Variants in DUSP22 observed in about 807,000 individuals in gnomAD.
DUSP22 encodes the protein dual specificity phosphatase 22.
A neutral mutation model predicts 24.5 loss-of-function variants in DUSP22; 24 were observed. The ratio of observed to expected loss-of-function variants is 0.98; its 90% CI spans 0.71 to 1.38. The LOEUF is 1.38. Among genes scored for constraint, DUSP22 ranks in the 40% most tolerant of loss-of-function variants. DUSP22 has a pLI of 0.00. For missense variants in DUSP22, 330 were observed against 269.2 expected (o/e 1.23, Z -1.58); for synonymous variants, 160 against 106.4 (o/e 1.50, Z -3.10).
At chr6:340,884 A>T (rs1327814033) in intron 4 of DUSP22, among the ~76,000 whole-genome samples, 3 of 152,308 alleles carry the variant, frequency 2.0e-5, no homozygotes, top group Non-Finnish European at 4.4e-5. Context: ...AGTGAGAAGT[A>T]GTTGTTCAGC....
At position 349,171 on chromosome 6, in the gene DUSP22, A is replaced by G. The variant is rs757888963; in HGVS notation, c.*220A>G. On this transcript the variant is annotated 3_prime_UTR_variant, in exon 7 of 7. Transcript: ENST00000419235. Reference sequence around the variant, plus strand: ...GCACCTGAGCTTGCTGCCCCTGGGGATGTTGCCCAGTGGCTGTGCACTGCT... The same window carrying G: ...GCACCTGAGCTTGCTGCCCCTGGGGGTGTTGCCCAGTGGCTGTGCACTGCT... 776 of 1,427,494 alleles carry G rather than the reference A, an allele frequency of 5.4e-4. 1 individual carries two copies. Among genetic ancestry groups the G allele is most frequent in the Non-Finnish European group, 6.6e-4 (718 of 1,095,542 alleles). 88.4% of individuals were successfully genotyped at this position (1,427,494 alleles called of 1,614,324 possible).
intron 3 of DUSP22, chr6:325,129 G>T: frequency 5.5e-6 from 1 of 181,380 alleles, no homozygotes; most frequent in Non-Finnish European, 1.2e-5. Context: ...GGTGCCTAGA[G>T]AGTCATCTGC....
At chr6:308,999 C>G (rs1314077177) in intron 2 of DUSP22, among the ~76,000 whole-genome samples, 1 of 152,310 alleles carries the variant, frequency 6.6e-6, no homozygotes, top group Non-Finnish European at 1.5e-5. Context: ...GTCTGTTTCA[C>G]TGCTTTTCTA....
At chr6:302,023 C>G (rs1757600997) in intron 1 of DUSP22, among the ~76,000 whole-genome samples, 1 of 152,292 alleles carries the variant, frequency 6.6e-6, no homozygotes, top group South Asian at 2.1e-4. Context: ...CGAATAATCC[C>G]TCTTGATTTA....
chr6:305,261 C>G (rs1440042416), intron 2 of DUSP22, among the ~76,000 whole-genome samples: 1 of 152,302 alleles, frequency 6.6e-6, no homozygotes, highest in African/African-American at 2.4e-5. Flanking sequence ...CACCGCAGCC[C>G]CTTGACCATC....
chr6:327,258 C>A (rs1302249132), intron 3 of DUSP22, among the ~76,000 whole-genome samples: 2 of 152,308 alleles, frequency 1.3e-5, no homozygotes, highest in Admixed American at 6.5e-5. Flanking sequence ...TTTGCCTTGT[C>A]TTTGCCTGTC....
In DUSP22 at chr6:345,837, T is replaced by A. The variant is rs1164874299; in HGVS notation, c.189-17T>A. ...GTAAAGTAGAGAGATGTCATTTCTC[T>A]TTTTTTCTTTTCCCAGGACAAGACA... On this transcript the variant is annotated splice_polypyrimidine_tract_variant and intron_variant, in intron 4 of 6. Transcript: ENST00000419235. 2 of 1,613,432 alleles carry A rather than the reference T, an allele frequency of 1.2e-6. No homozygotes were observed. Among genetic ancestry groups the A allele is most frequent in the Non-Finnish European group, 1.7e-6 (2 of 1,179,730 alleles).
At chr6:309,916 A>G (rs929737668) in intron 2 of DUSP22, among the ~76,000 whole-genome samples, 3 of 152,298 alleles carry the variant, frequency 2.0e-5, no homozygotes, top group African/African-American at 7.2e-5. Context: ...CTCCAGAACC[A>G]TGATAATTAA....
intron 1 of DUSP22, among the ~76,000 whole-genome samples, chr6:303,368 C>G (rs1272962699): frequency 6.6e-6 from 1 of 152,304 alleles, no homozygotes; most frequent in Non-Finnish European, 1.5e-5. Flanking sequence ...CTGGTTGTCC[C>G]TCTGCACAGA....
At chr6:303,972 TC>T (rs1430149872) in intron 1 of DUSP22, among the ~76,000 whole-genome samples, 2 of 152,302 alleles carry the variant, frequency 1.3e-5, no homozygotes, top group African/African-American at 4.8e-5. Flanking sequence ...AAAGACGTGT[TC>T]TTCTTAACCT....
At chr6:339,846 T>C (rs1328284277) in intron 4 of DUSP22, among the ~76,000 whole-genome samples, 1 of 152,298 alleles carries the variant, frequency 6.6e-6, no homozygotes, top group Non-Finnish European at 1.5e-5. Context: ...CGTTTTTCTT[T>C]TATTTTATTA....
chr6:306,751 C>T (rs569007164), intron 2 of DUSP22, among the ~76,000 whole-genome samples: 121 of 152,368 alleles, frequency 7.9e-4, no homozygotes, highest in African/African-American at 2.6e-3. Flanking sequence ...CGGGAACACA[C>T]GATGTGCTGG....
chr6:342,050 G>A (rs1264340590), intron 4 of DUSP22, among the ~76,000 whole-genome samples: 1 of 152,302 alleles, frequency 6.6e-6, no homozygotes, highest in Non-Finnish European at 1.5e-5. Flanking sequence ...CCCACTCCAA[G>A]GTTTCAGTGA....
chr6:350,273 A>AGG lies in DUSP22; in HGVS notation c.*1323_*1324dup. The AGG allele has an allele frequency of 1.0e-6, 1 of 989,292 alleles. No homozygotes were observed. Among genetic ancestry groups the AGG allele is most frequent in the Non-Finnish European group, 1.2e-6 (1 of 832,646 alleles). The allele number at this position is 989,292 out of a possible 1,614,324, so 61.3% of individuals were successfully genotyped here. ...TTCTGGTGGGTAAAATTCCACATTC[A>AGG]GGCCACGAGAGCATCTACAGTTTGT... On this transcript the variant is annotated 3_prime_UTR_variant, in exon 7 of 7. Transcript: ENST00000419235.
At chr6:334,097 C>T (rs1231679991) in intron 3 of DUSP22, among the ~76,000 whole-genome samples, 33 of 152,288 alleles carry the variant, frequency 2.2e-4, no homozygotes, top group Admixed American at 2.0e-3. Flanking sequence ...AGATGCGTTG[C>T]GTTGTAACTC....
chr6:338,659 C>T (rs1346878057), intron 4 of DUSP22, among the ~76,000 whole-genome samples: 2 of 152,296 alleles, frequency 1.3e-5, no homozygotes, highest in African/African-American at 4.8e-5. Context: ...AAAAAATTCT[C>T]GGTGCTTCAG....
At chr6:305,954 G>A (rs1267946691) in intron 2 of DUSP22, among the ~76,000 whole-genome samples, 1 of 152,304 alleles carries the variant, frequency 6.6e-6, no homozygotes, top group African/African-American at 2.4e-5. Context: ...TATAATGTCT[G>A]TTTCCACACA....
chr6:345,786 A>G (rs1759835677), intron 4 of DUSP22, 68 bp from the exon 5 acceptor site: 1 of 1,559,892 alleles, frequency 6.4e-7, no homozygotes, highest in Non-Finnish European at 8.7e-7. Context: ...AGCCTCAGGT[A>G]GAATTTTCTT....
intron 4 of DUSP22, among the ~76,000 whole-genome samples, chr6:338,510 T>C (rs549412691): frequency 5.9e-5 from 9 of 152,418 alleles, no homozygotes; most frequent in Admixed American, 5.9e-4. Context: ...GCTTTCTGTA[T>C]CATCAACCAA....
Sources: allele counts gnomAD v4.1 joint callset (sites outside exome capture counted in the v4.1 genomes callset), GRCh38; gene constraint gnomAD v4.1.1; transcripts MANE v1.5; gene names NCBI Gene and HGNC (gene_info 2026-07-23, HGNC 2026-07-21).